Variants in KCNIP4 observed in about 807,000 individuals in gnomAD.
KCNIP4 encodes the protein potassium voltage-gated channel interacting protein 4.
A neutral mutation model predicts 34.0 loss-of-function variants in KCNIP4; 12 were observed. The observed-to-expected ratio is 0.35, with a 90% CI of 0.23 to 0.57. The LOEUF is 0.57. Among genes scored for constraint, KCNIP4 ranks in the 20% least tolerant of loss-of-function variants. The pLI is 0.83. For synonymous variants in KCNIP4, 124 were observed against 102.2 expected (o/e 1.21, Z -1.29); for missense variants, 238 against 311.7 (o/e 0.76, Z 1.78).
intron 1 of KCNIP4, among the ~76,000 whole-genome samples, chr4:21,422,415 G>A (rs376241031): frequency 1.3e-5 from 2 of 152,030 alleles, no homozygotes. Flanking sequence ...TGGCCAGGCT[G>A]GTCTCCAACT....
intron 1 of KCNIP4, among the ~76,000 whole-genome samples, chr4:21,152,425 A>T (rs1352862607): frequency 6.6e-6 from 1 of 152,150 alleles, no homozygotes; most frequent in Non-Finnish European, 1.5e-5. Flanking sequence ...TAAGATCATT[A>T]TACAAAACTC....
intron 3 of KCNIP4, among the ~76,000 whole-genome samples, chr4:20,818,920 CTT>C (rs11382765): frequency 9.5e-5 from 10 of 104,956 alleles, no homozygotes; most frequent in South Asian, 3.0e-4. Context: ...TATATTATCT[CTT>C]TTTTTTTTTT....
intron 1 of KCNIP4, among the ~76,000 whole-genome samples, chr4:21,114,625 A>G (rs191227001): frequency 1.3e-5 from 2 of 152,336 alleles, no homozygotes; most frequent in Admixed American, 1.3e-4. Flanking sequence ...TTTTGACAAT[A>G]GTTATCATAC....
intron 1 of KCNIP4, among the ~76,000 whole-genome samples, chr4:20,998,361 G>A (rs1737760476): frequency 6.6e-6 from 1 of 152,148 alleles, no homozygotes; most frequent in South Asian, 2.1e-4. Flanking sequence ...GTGTACAGGG[G>A]CCATTTCTAT....
chr4:21,460,103 GCC>G (rs550026365), intron 1 of KCNIP4, among the ~76,000 whole-genome samples: 17 of 57,100 alleles, frequency 3.0e-4, no homozygotes, highest in East Asian at 2.8e-3. Context: ...TCTGCCCCCC[GCC>G]CCCCATCTCT....
intron 1 of KCNIP4, among the ~76,000 whole-genome samples, chr4:21,563,930 G>T (rs1440232758): frequency 1.3e-5 from 2 of 152,034 alleles, no homozygotes; most frequent in Non-Finnish European, 2.9e-5. Flanking sequence ...TTAACTAAAA[G>T]AATCACGTAA....
intron 1 of KCNIP4, among the ~76,000 whole-genome samples, chr4:21,860,227 G>A (rs1431125650): frequency 6.6e-6 from 1 of 152,130 alleles, no homozygotes; most frequent in African/African-American, 2.4e-5. Flanking sequence ...TCTGCCTCCT[G>A]GGTTCAAGCA....
chr4:21,742,217 G>A (rs1716458636), intron 1 of KCNIP4, among the ~76,000 whole-genome samples: 1 of 152,112 alleles, frequency 6.6e-6, no homozygotes, highest in Admixed American at 6.5e-5. Context: ...CAATGTTTTT[G>A]TTGTCCAACC....
At chr4:21,263,071 C>A (rs12507112) in intron 1 of KCNIP4, among the ~76,000 whole-genome samples, 1 of 152,160 alleles carries the variant, frequency 6.6e-6, no homozygotes, top group Non-Finnish European at 1.5e-5. Context: ...CATCAAGTAG[C>A]TTCTGATCAG....
intron 1 of KCNIP4, among the ~76,000 whole-genome samples, chr4:21,937,665 A>G (rs541402742): frequency 1.8e-3 from 279 of 152,154 alleles, no homozygotes; most frequent in Non-Finnish European, 3.4e-3. Context: ...GTTTTTTTCA[A>G]CCGAACCTCC....
At chr4:20,790,814 C>A (rs1215178943) in intron 3 of KCNIP4, among the ~76,000 whole-genome samples, 1 of 152,100 alleles carries the variant, frequency 6.6e-6, no homozygotes, top group Non-Finnish European at 1.5e-5. Context: ...GTCAAATGAA[C>A]CTACAGACCT....
chr4:20,893,951 G>A (rs1181409087), intron 1 of KCNIP4, among the ~76,000 whole-genome samples: 1 of 152,034 alleles, frequency 6.6e-6, no homozygotes, highest in Non-Finnish European at 1.5e-5. Context: ...TGTGATCTGG[G>A]CTCACTGCAA....
At chr4:21,062,180 T>C (rs533787979) in intron 1 of KCNIP4, among the ~76,000 whole-genome samples, 10 of 152,310 alleles carry the variant, frequency 6.6e-5, no homozygotes, top group African/African-American at 2.4e-4. Context: ...CTAATGGATG[T>C]AGATGACAAT....
chr4:21,020,679 A>G (rs1275436496), intron 1 of KCNIP4, among the ~76,000 whole-genome samples: 4 of 152,204 alleles, frequency 2.6e-5, no homozygotes, highest in Non-Finnish European at 5.9e-5. Context: ...GTAGTTTTCA[A>G]ACTTTCATTG....
chr4:21,347,265 T>C (rs1429287005), intron 1 of KCNIP4, among the ~76,000 whole-genome samples: 4 of 152,198 alleles, frequency 2.6e-5, no homozygotes, highest in Admixed American at 6.5e-5. Flanking sequence ...TTATCTTCCC[T>C]GTGGCTAGAG....
At chr4:21,893,975 T>G (rs1489265479) in intron 1 of KCNIP4, among the ~76,000 whole-genome samples, 1 of 152,126 alleles carries the variant, frequency 6.6e-6, no homozygotes, top group African/African-American at 2.4e-5. Flanking sequence ...CATTCTACAC[T>G]TTTATCATAT....
At chr4:20,916,443 G>A in intron 1 of KCNIP4, 1 of 657,776 alleles carries the variant, frequency 1.5e-6, no homozygotes, top group Non-Finnish European at 1.9e-6. Flanking sequence ...TGTGGTTTCT[G>A]TGTGCAATCT....
At chr4:21,038,314 T>C (rs1191031647) in intron 1 of KCNIP4, among the ~76,000 whole-genome samples, 2 of 152,196 alleles carry the variant, frequency 1.3e-5, no homozygotes, top group Non-Finnish European at 2.9e-5. Flanking sequence ...AATATTATTC[T>C]CAGATTATCA....
At chr4:21,212,091 C>T (rs1757259544) in intron 1 of KCNIP4, among the ~76,000 whole-genome samples, 1 of 152,216 alleles carries the variant, frequency 6.6e-6, no homozygotes, top group African/African-American at 2.4e-5. Flanking sequence ...TCTGCTACTA[C>T]ATCCCTTTAT....
Sources: allele counts gnomAD v4.1 joint callset (sites outside exome capture counted in the v4.1 genomes callset), GRCh38; gene constraint gnomAD v4.1.1; transcripts MANE v1.5; gene names NCBI Gene and HGNC (gene_info 2026-07-23, HGNC 2026-07-21).